DEK: variants seen among roughly 807,000 people sequenced by gnomAD.
DEK encodes the protein DEK proto-oncogene.
In DEK, 28 loss-of-function variants were observed where a neutral mutation model predicts 46.8. That is an observed-to-expected ratio of 0.60 (90% CI 0.44 to 0.82). The LOEUF (loss-of-function observed/expected upper bound fraction) is 0.82, where lower values mean the gene tolerates loss of function less well. Ranked by LOEUF, DEK falls within the 40% of genes least tolerant of loss-of-function variation. The pLI is 0.00. For synonymous variants in DEK, 160 were observed against 144.5 expected (o/e 1.11, Z -0.77); for missense variants, 416 against 430.6 (o/e 0.97, Z 0.30).
intron 8 of DEK, 155 bp downstream of exon 8, chr6:18,237,226 A>T: frequency 1.2e-6 from 1 of 846,680 alleles, no homozygotes; most frequent in Non-Finnish European, 1.7e-6. Flanking sequence ...TTCCTGTCCC[A>T]AGCATTTCAG....
intron 7 of DEK, among the ~76,000 whole-genome samples, chr6:18,247,703 C>T (rs566496303): frequency 1.0e-4 from 15 of 150,640 alleles, no homozygotes; most frequent in Admixed American, 3.3e-4. Context: ...GACGGAGTTT[C>T]GCTCGTTGCT....
intron 6 of DEK, among the ~76,000 whole-genome samples, chr6:18,253,195 A>G (rs535123790): frequency 2.6e-5 from 4 of 151,872 alleles, no homozygotes; most frequent in Non-Finnish European, 5.9e-5. Flanking sequence ...CACCTCCCAG[A>G]GAACACCACT....
At chr6:18,244,835 G>T (rs1382961092) in intron 7 of DEK, among the ~76,000 whole-genome samples, 3 of 152,166 alleles carry the variant, frequency 2.0e-5, no homozygotes, top group African/African-American at 7.2e-5. Flanking sequence ...TCTGATCAAC[G>T]TGTGAGAGGA....
chr6:18,256,516 T>C (rs1791604518), intron 4 of DEK, 61 bp from the exon 5 acceptor site: 1 of 1,395,270 alleles, frequency 7.2e-7, no homozygotes, highest in African/African-American at 1.5e-5. Flanking sequence ...AAGAATAAAT[T>C]CAAAGCCAAT....
chr6:18,236,836 A>G lies in DEK; in HGVS notation c.899-236T>C, dbSNP rs188348892. Among the ~76,000 whole-genome samples, 21 of 152,308 alleles carry G rather than the reference A, an allele frequency of 1.4e-4. 1 individual carries two copies. The East Asian group carries it at 3.7e-3, about 27-fold the overall frequency. On this transcript the variant is annotated intron_variant, in intron 8 of 10. Transcript: ENST00000652689. ...AGGCATCCCTAATCCAAAAATCCAA[A>G]ACCTGAAATGTTCCAAAATCCAGCT...
intron 6 of DEK, among the ~76,000 whole-genome samples, chr6:18,251,369 C>T (rs1041885457): frequency 1.6e-4 from 25 of 152,244 alleles, no homozygotes; most frequent in African/African-American, 6.0e-4. Context: ...CAGGAACCTC[C>T]AGTCTAGGGG....
chr6:18,259,859 G>A (rs1483671909), intron 2 of DEK, among the ~76,000 whole-genome samples: 1 of 152,174 alleles, frequency 6.6e-6, no homozygotes, highest in Non-Finnish European at 1.5e-5. Flanking sequence ...AGGAGAAAGG[G>A]CTATCAACAG....
At position 18,257,989 on chromosome 6, in the gene DEK, T is replaced by A; in HGVS notation, c.321A>T (p.Arg107Ser). 6.2e-7 allele frequency: 1 copy of A among 1,612,274 alleles called. No individual in the cohort carries two copies. The highest frequency in any genetic ancestry group is 8.5e-7 in the Non-Finnish European group (1 of 1,179,432). Reference sequence around the variant, plus strand: ...TGTTGTAAAGCAGTTTGTGTAGATTTCTAAGTTCATCGGTTTTCTTCTTAC... The same window carrying A: ...TGTTGTAAAGCAGTTTGTGTAGATTACTAAGTTCATCGGTTTTCTTCTTAC... ...FLSKKKTDELRNLHKLLYNRP... is the reference protein window; with the variant it reads ...FLSKKKTDELSNLHKLLYNRP... The change falls in exon 4 of 11, where the codon AGA (arginine) becomes AGT (serine). Residue 107 changes from arginine (R) to serine (S), a missense_variant. Coordinates refer to ENST00000652689, the MANE Select transcript of DEK (RefSeq NM_003472.4).
chr6:18,242,270 C>T (rs1393557110), intron 7 of DEK, among the ~76,000 whole-genome samples: 2 of 152,102 alleles, frequency 1.3e-5, no homozygotes, highest in African/African-American at 2.4e-5. Context: ...GGCTGTGCCA[C>T]GAGAATTGCT....
intron 6 of DEK, among the ~76,000 whole-genome samples, chr6:18,251,329 A>G (rs1193790536): frequency 2.0e-5 from 3 of 152,204 alleles, no homozygotes; most frequent in Non-Finnish European, 4.4e-5. Context: ...TTTTTCTTGC[A>G]GAGACTAGAA....
At chr6:18,241,037 A>C (rs1442379861) in intron 7 of DEK, among the ~76,000 whole-genome samples, 2 of 152,222 alleles carry the variant, frequency 1.3e-5, no homozygotes. Flanking sequence ...TAAGGTAGGA[A>C]TTTGGTAAAG....
At chr6:18,259,166 T>C (rs943640451) in intron 2 of DEK, among the ~76,000 whole-genome samples, 2 of 146,798 alleles carry the variant, frequency 1.4e-5, no homozygotes, top group Admixed American at 6.7e-5. Flanking sequence ...ATCGAGACCA[T>C]CCTGGCTAAC....
At chr6:18,249,969 C>A in intron 6 of DEK, 130 bp from the exon 7 acceptor site, 1 of 1,364,156 alleles carries the variant, frequency 7.3e-7, no homozygotes, top group Non-Finnish European at 9.6e-7. Context: ...AGCAGCTTTG[C>A]AGAGAATAAT....
Position 18,255,921 on chromosome 6 carries a change from A to G in DEK, c.453-70T>C, listed in dbSNP as rs1206080344. On this transcript the variant is annotated intron_variant, in intron 5 of 10. Coordinates refer to ENST00000652689, the MANE Select transcript of DEK (RefSeq NM_003472.4). ...CTTACATATGTTCTCCACAATATAA[A>G]GGGAAAGCCAACCAAATTGGCTCAG... 6 of 1,512,020 alleles carry G rather than the reference A, an allele frequency of 4.0e-6. No individual in the cohort carries two copies. The East Asian group carries it at 1.2e-4, about 30-fold the overall frequency. The allele number at this position is 1,512,020 out of a possible 1,614,324, so 93.7% of individuals were successfully genotyped here.
intron 9 of DEK, among the ~76,000 whole-genome samples, chr6:18,226,672 G>GAGGAGGGTGAAGC (rs1790140673): frequency 1.3e-5 from 2 of 152,164 alleles, no homozygotes; most frequent in Admixed American, 6.5e-5. Flanking sequence ...CCCAGCTACT[G>GAGGAGGGTGAAGC]AGGAGGGTGA....
chr6:18,231,926 G>A (rs150794968), intron 9 of DEK, among the ~76,000 whole-genome samples: 192 of 152,278 alleles, frequency 1.3e-3, no homozygotes, highest in African/African-American at 4.4e-3. Context: ...GAGAATTTCA[G>A]ACCAATATCC....
At chr6:18,256,720 A>C (rs960526084) in intron 4 of DEK, among the ~76,000 whole-genome samples, 7 of 152,228 alleles carry the variant, frequency 4.6e-5, no homozygotes, top group African/African-American at 1.7e-4. Context: ...ACAAATTTTC[A>C]CTGGGGAGTT....
At chr6:18,250,688 G>A (rs193000705) in intron 6 of DEK, among the ~76,000 whole-genome samples, 218 of 128,466 alleles carry the variant, frequency 1.7e-3, no homozygotes, top group Admixed American at 4.1e-3. Context: ...TAGAGACAGT[G>A]TTTCACCATG....
chr6:18,261,666 T>C (rs1791875263), intron 2 of DEK, among the ~76,000 whole-genome samples: 2 of 152,244 alleles, frequency 1.3e-5, no homozygotes, highest in African/African-American at 4.8e-5. Context: ...TTTTGGCCTT[T>C]CTCCCTTTTG....
Sources: allele counts gnomAD v4.1 joint callset (sites outside exome capture counted in the v4.1 genomes callset), GRCh38; gene constraint gnomAD v4.1.1; transcripts MANE v1.5; gene names NCBI Gene and HGNC (gene_info 2026-07-23, HGNC 2026-07-21).